SLC25A25: variants seen among roughly 807,000 people sequenced by gnomAD.
SLC25A25 encodes solute carrier family 25 member 25.
A neutral mutation model predicts 57.7 loss-of-function variants in SLC25A25; 32 were observed. The observed-to-expected ratio is 0.55, with a 90% confidence interval of 0.42 to 0.74. The LOEUF is 0.74. Among genes scored for constraint, SLC25A25 ranks in the 30% least tolerant of loss-of-function variants. The probability of loss-of-function intolerance (pLI) is 0.00; values close to 1 mark genes in which losing one functional copy is unlikely to be tolerated. For synonymous variants in SLC25A25, 306 were observed against 291.2 expected, an observed-to-expected ratio of 1.05 and a Z score of -0.52; for missense variants, 556 against 701.3, an observed-to-expected ratio of 0.79 and a Z score of 2.34.
intron 1 of SLC25A25, chr9:128,098,345 A>G (rs1833629260): frequency 1.3e-6 from 1 of 774,734 alleles, no homozygotes. Context: ...CACTTGAGCA[A>G]CCTGATGCCA....
intron 1 of SLC25A25, among the ~76,000 whole-genome samples, chr9:128,071,490 C>T (rs1832906760): frequency 6.6e-6 from 1 of 151,968 alleles, no homozygotes; most frequent in Admixed American, 6.6e-5. Context: ...TCACTGCAAC[C>T]TTTGCCTCCT....
intron 1 of SLC25A25, among the ~76,000 whole-genome samples, chr9:128,087,820 A>C (rs1833311738): frequency 6.6e-6 from 1 of 152,176 alleles, no homozygotes; most frequent in African/African-American, 2.4e-5. Flanking sequence ...CTGATCTGTT[A>C]AAATCATTTT....
intron 1 of SLC25A25, among the ~76,000 whole-genome samples, chr9:128,078,747 T>C (rs1833074224): frequency 6.6e-6 from 1 of 152,196 alleles, no homozygotes; most frequent in Non-Finnish European, 1.5e-5. Context: ...AGCATTACTT[T>C]GCAGAAGTGG....
intron 1 of SLC25A25, among the ~76,000 whole-genome samples, chr9:128,086,468 G>C (rs1451411497): frequency 1.3e-5 from 2 of 151,936 alleles, no homozygotes; most frequent in Non-Finnish European, 2.9e-5. Context: ...AAAGTAGCTG[G>C]GATTATAGGC....
chr9:128,098,725 G>T lies in SLC25A25; in HGVS notation c.262-2371G>T, dbSNP rs1215905500. ...TCTCCACCTACCGCCAGTGGAAGCAGGTCTGTGGGGTGACCGCGCGGAAGG... is the reference window on the plus strand; with the variant it reads ...TCTCCACCTACCGCCAGTGGAAGCATGTCTGTGGGGTGACCGCGCGGAAGG... On this transcript the variant is annotated intron_variant, in intron 1 of 10. Transcript: ENST00000373069. 7 of 1,613,706 alleles carry T rather than the reference G, an allele frequency of 4.3e-6. No homozygotes were observed. The East Asian group carries it at 1.6e-4, about 36-fold the overall frequency.
At chr9:128,087,838 A>G (rs1457143845) in intron 1 of SLC25A25, among the ~76,000 whole-genome samples, 3 of 152,136 alleles carry the variant, frequency 2.0e-5, no homozygotes, top group South Asian at 4.1e-4. Flanking sequence ...TTTTCATCTG[A>G]GACATTGTAG....
intron 1 of SLC25A25, among the ~76,000 whole-genome samples, chr9:128,081,325 C>T (rs748178969): frequency 1.3e-5 from 2 of 152,226 alleles, no homozygotes; most frequent in Non-Finnish European, 2.9e-5. Flanking sequence ...AGTGTGAGTG[C>T]AATCCTGAGA....
At position 128,103,324 on chromosome 9, in the gene SLC25A25, G is replaced by A. The variant is rs1203617308; in HGVS notation, c.625-357G>A. ...GAGATCTCAGACGGCTCTCACCCCG[G>A]CCTGATCCCTTCAGCGCAGCCAGCC... On this transcript the variant is annotated intron_variant, in intron 5 of 10. Transcript: ENST00000373069. This position sits in a 1 kb window ranked among gnomAD's most constrained non-coding sequence, Gnocchi z 6.7. Among the ~76,000 whole-genome samples, 1 of 152,224 alleles carries A rather than the reference G, an allele frequency of 6.6e-6. No homozygotes were observed. The highest frequency in any genetic ancestry group is 1.5e-5 in the Non-Finnish European group (1 of 68,034).
chr9:128,103,559 C>T lies in SLC25A25; in HGVS notation c.625-122C>T. ...CCCAGCCCGCTTCCCACCCAGAGTCCTTGGCCTTCTCCCTGTCCTGTGGTC... is the reference window on the plus strand; with the variant it reads ...CCCAGCCCGCTTCCCACCCAGAGTCTTTGGCCTTCTCCCTGTCCTGTGGTC... On this transcript the variant is annotated intron_variant, in intron 5 of 10. Transcript: ENST00000373069. The surrounding 1 kb of genome is among the most constrained non-coding windows in gnomAD (Gnocchi z 6.7). 1 of 1,248,788 alleles carries T rather than the reference C, an allele frequency of 8.0e-7. No homozygotes were observed. Among genetic ancestry groups the T allele is most frequent in the Non-Finnish European group, 1.1e-6 (1 of 876,482 alleles). The allele number at this position is 1,248,788 out of a possible 1,614,324, so 77.4% of individuals were successfully genotyped here.
In SLC25A25 at chr9:128,095,717, G is replaced by A. The variant is rs570272032; in HGVS notation, c.262-5379G>A. ...CCCAGCTACTCGGGAGGCTGAGGCA[G>A]GAGAATCGCTTGAACCCAGGAGGTG... is the stretch of plus-strand genomic sequence containing the variant. On this transcript the variant is annotated intron_variant, in intron 1 of 10. Transcript: ENST00000373069. This position sits in a 1 kb window ranked among gnomAD's most constrained non-coding sequence, Gnocchi z 4.4. 2.0e-4 allele frequency among the ~76,000 whole-genome samples: 30 copies of A among 152,154 alleles called. No homozygotes were observed. Among genetic ancestry groups the A allele is most frequent in the Non-Finnish European group, 3.2e-4 (22 of 68,030 alleles).
intron 1 of SLC25A25, among the ~76,000 whole-genome samples, chr9:128,081,781 A>T (rs1311002041): frequency 6.6e-6 from 1 of 152,010 alleles, no homozygotes; most frequent in Non-Finnish European, 1.5e-5. Flanking sequence ...ATTTTAAAAA[A>T]TTAGCCAGGC....
In SLC25A25 at chr9:128,101,499, C is replaced by T; in HGVS notation, c.476+103C>T. Reference sequence around the variant, plus strand: ...TCCCTGGGCTGACCCTGAACTTGGCCTTCTCGTGGTTTGAAAGGATGAATA... The same window carrying T: ...TCCCTGGGCTGACCCTGAACTTGGCTTTCTCGTGGTTTGAAAGGATGAATA... On this transcript the variant is annotated intron_variant, in intron 3 of 10. Coordinates refer to ENST00000373069, the MANE Select transcript of SLC25A25 (RefSeq NM_001330988.2). This position sits in a 1 kb window ranked among gnomAD's most constrained non-coding sequence, Gnocchi z 4.9. 6 of 1,351,538 alleles carry T rather than the reference C, an allele frequency of 4.4e-6. No homozygotes were observed. The highest frequency in any genetic ancestry group is 6.2e-6 in the Non-Finnish European group (6 of 974,874). 83.7% of individuals were successfully genotyped at this position (1,351,538 alleles called of 1,614,324 possible). A position where few individuals can be genotyped will look rare whatever the true frequency, so the allele number is the denominator to read the frequency against.
At chr9:128,082,669 G>A (rs189397421) in intron 1 of SLC25A25, among the ~76,000 whole-genome samples, 63 of 152,138 alleles carry the variant, frequency 4.1e-4, no homozygotes, top group Admixed American at 3.9e-3. Flanking sequence ...TTTATTTTAA[G>A]ACAGTCTCGC....
intron 1 of SLC25A25, 185 bp from the exon 2 acceptor site, chr9:128,100,911 G>T (rs1833765261): frequency 5.5e-6 from 4 of 724,242 alleles, no homozygotes; most frequent in Non-Finnish European, 8.9e-6. Flanking sequence ...GGGGTTCTAG[G>T]TGGTGGCTCT....
Position 128,099,148 on chromosome 9 carries a change from C to T in SLC25A25, c.262-1948C>T, listed in dbSNP as rs774388751. ...GGGGTGAGGGAGCCTCCCGCCTTCT[C>T]GACTCTCAGACATCGCTGTGGAACA... is the stretch of plus-strand genomic sequence containing the variant. On this transcript the variant is annotated intron_variant, in intron 1 of 10. Transcript: ENST00000373069. This position sits in a 1 kb window ranked among gnomAD's most constrained non-coding sequence, Gnocchi z 6.8. 273 of 1,225,498 alleles carry T rather than the reference C, an allele frequency of 2.2e-4. No homozygotes were observed. Among genetic ancestry groups the T allele is most frequent in the Non-Finnish European group, 2.8e-4 (265 of 958,628 alleles). 75.9% of individuals were successfully genotyped at this position (1,225,498 alleles called of 1,614,324 possible). A position where few individuals can be genotyped will look rare whatever the true frequency, so the allele number is the denominator to read the frequency against.
At chr9:128,072,254 C>A (rs1832923729) in intron 1 of SLC25A25, among the ~76,000 whole-genome samples, 1 of 152,166 alleles carries the variant, frequency 6.6e-6, no homozygotes, top group Non-Finnish European at 1.5e-5. Flanking sequence ...GTATTAACTG[C>A]CTACAGAAAA....
At chr9:128,077,373 C>T (rs1419085713) in intron 1 of SLC25A25, among the ~76,000 whole-genome samples, 17 of 152,118 alleles carry the variant, frequency 1.1e-4, no homozygotes, top group African/African-American at 2.7e-4. Flanking sequence ...AAAAATTAGC[C>T]GGGCGCGGTG....
chr9:128,077,390 G>A (rs1833040026), intron 1 of SLC25A25, among the ~76,000 whole-genome samples: 1 of 152,078 alleles, frequency 6.6e-6, no homozygotes, highest in African/African-American at 2.4e-5. Flanking sequence ...GGTGGCGGGC[G>A]CCTGTGGTCC....
intron 1 of SLC25A25, among the ~76,000 whole-genome samples, chr9:128,070,410 T>G (rs1832879593): frequency 6.6e-6 from 1 of 151,520 alleles, no homozygotes; most frequent in Non-Finnish European, 1.5e-5. Flanking sequence ...CCAGCTAATT[T>G]TTGTATTTTT....
Sources: gnomAD v4.1 joint callset for allele counts (sites outside exome capture counted in the v4.1 genomes callset) on GRCh38, gnomAD v4.1.1 for gene constraint, Gnocchi (gnomAD v3.1) non-coding constraint, MANE v1.5 for transcripts, NCBI Gene and HGNC (gene_info 2026-07-23, HGNC 2026-07-21) for gene names.